The following COL27A1 variants were observed in gnomAD, a reference collection of about 807,000 sequenced individuals.
COL27A1 encodes the protein collagen type XXVII alpha 1 chain, also known as collagen alpha-1(XXVII) chain.
Under a neutral mutation model 251.3 loss-of-function variants are expected in COL27A1, and 106 were observed. The observed-to-expected ratio is 0.42, with a 90% CI of 0.36 to 0.50. The LOEUF (loss-of-function observed/expected upper bound fraction) is 0.50. COL27A1 is among the 20% of genes least tolerant of loss of function. COL27A1 has a pLI of 0.00. For missense variants in COL27A1, 2,325 were observed against 2,522.8 expected (o/e 0.92, Z 1.68); for synonymous variants, 1,000 against 986.3 (o/e 1.01, Z -0.26).
At chr9:114,256,488 A>G (rs892953464) in intron 27 of COL27A1, among the ~76,000 whole-genome samples, 6 of 152,200 alleles carry the variant, frequency 3.9e-5, no homozygotes, top group East Asian at 1.9e-4. Flanking sequence ...GCAAGACTCC[A>G]TCTCAACAAA....
At chr9:114,291,403 C>T (rs960537967) in intron 48 of COL27A1, among the ~76,000 whole-genome samples, 1 of 152,154 alleles carries the variant, frequency 6.6e-6, no homozygotes, top group African/African-American at 2.4e-5. Flanking sequence ...CTCTGAGACA[C>T]AGGAGGCGGA....
In COL27A1 at chr9:114,304,664, C is replaced by G. The variant is rs769243115; in HGVS notation, c.4929C>G (p.Leu1643=). The G allele has an allele frequency of 3.1e-6, 5 of 1,614,068 alleles. No homozygotes were observed. The East Asian group carries it at 6.7e-5, about 22-fold the overall frequency. The part of the protein sequence containing the change: ...FQTWMDTSGA[L]RPESYSYPDR... ...CGTGGATGGACACCAGTGGAGCACTCAGGCCAGAGGTATCTCCAGGGGCTC... is the reference window on the plus strand; with the variant it reads ...CGTGGATGGACACCAGTGGAGCACTGAGGCCAGAGGTATCTCCAGGGGCTC... Residue 1643 remains leucine, a synonymous_variant, in exon 57 of 61, where the codon CTC becomes CTG. Coordinates refer to ENST00000356083, the MANE Select transcript of COL27A1 (RefSeq NM_032888.4).
At chr9:114,258,746 T>TA in intron 28 of COL27A1, 152 bp downstream of exon 28, 1 of 761,584 alleles carries the variant, frequency 1.3e-6, no homozygotes, top group Non-Finnish European at 2.1e-6. Context: ...AGGCTCACCC[T>TA]GGACCTGTCT....
At chr9:114,177,644 G>T (rs1356629412) in intron 3 of COL27A1, among the ~76,000 whole-genome samples, 1 of 152,188 alleles carries the variant, frequency 6.6e-6, no homozygotes, top group African/African-American at 2.4e-5. Context: ...GCCTCCGTTT[G>T]TATGGGCACA....
chr9:114,297,870 T>C lies in COL27A1; in HGVS notation c.4585-2200T>C, dbSNP rs75502967. Reference sequence around the variant, plus strand: ...GGATATAAGATCAATATACAAAAAATGTCATTTCTATATATAACATACAAA... The same window carrying C: ...GGATATAAGATCAATATACAAAAAACGTCATTTCTATATATAACATACAAA... On this transcript the variant is annotated intron_variant, in intron 49 of 60. Coordinates refer to ENST00000356083, the MANE Select transcript of COL27A1 (RefSeq NM_032888.4). 2.6e-5 allele frequency among the ~76,000 whole-genome samples: 4 copies of C among 152,200 alleles called. No homozygotes were observed. In the East Asian group the frequency reaches 7.7e-4, roughly 29 times the overall value.
chr9:114,306,627 C>T lies in COL27A1; in HGVS notation c.5046C>T (p.Thr1682=). 2 of 1,614,140 alleles carry T rather than the reference C, an allele frequency of 1.2e-6. No homozygotes were observed. Among genetic ancestry groups the T allele is most frequent in the Non-Finnish European group, 1.7e-6 (2 of 1,180,028 alleles). Residue 1682 remains threonine (T), a synonymous_variant, in exon 58 of 61, where the codon ACC becomes ACT. Coordinates refer to ENST00000356083, the MANE Select transcript of COL27A1 (RefSeq NM_032888.4). ...LIQSIKTPLG[T]KENPARVCRD... Reference sequence around the variant, plus strand: ...AGAGCATTAAGACGCCCCTGGGCACCAAAGAGAACCCCGCCCGGGTCTGCA... The same window carrying T: ...AGAGCATTAAGACGCCCCTGGGCACTAAAGAGAACCCCGCCCGGGTCTGCA...
Position 114,290,261 on chromosome 9 carries a change from G to T in COL27A1, c.4298G>T (p.Gly1433Val). 6.3e-7 allele frequency: 1 copy of T among 1,577,490 alleles called. No homozygotes were observed. The part of the protein sequence containing the change: ...QGLPGPRGVV[G>V]RQGLEGIAGP... Reference sequence around the variant, plus strand: ...CTGCCAGGGCCCCGGGGCGTGGTGGGGAGACAGGGCCTCGAGGGCATCGCT... The same window carrying T: ...CTGCCAGGGCCCCGGGGCGTGGTGGTGAGACAGGGCCTCGAGGGCATCGCT... The change falls in exon 47 of 61, where the codon GGG (glycine) becomes GTG (valine). Residue 1433 changes from glycine (G) to valine (V), a missense_variant. Around this residue, in one of 4 missense-constraint regions of COL27A1, gnomAD observed 153 missense variants for 140.7 expected, o/e 1.09. Transcript: ENST00000356083. This position sits in a 1 kb window ranked among gnomAD's most constrained non-coding sequence, Gnocchi z 4.6.
intron 23 of COL27A1, 115 bp from the exon 24 acceptor site, chr9:114,245,751 G>C (rs1833087178): frequency 5.2e-6 from 5 of 956,448 alleles, no homozygotes; most frequent in Non-Finnish European, 8.5e-6. Flanking sequence ...CTGGAGATAA[G>C]ATCCCTGGTT....
chr9:114,191,298 G>A (rs190580465), intron 5 of COL27A1, among the ~76,000 whole-genome samples: 2 of 152,034 alleles, frequency 1.3e-5, no homozygotes, highest in African/African-American at 4.8e-5. Flanking sequence ...ACATGTGCAG[G>A]ATGTGTAGGT....
At chr9:114,226,037 C>T (rs146602989) in intron 14 of COL27A1, among the ~76,000 whole-genome samples, 2 of 152,266 alleles carry the variant, frequency 1.3e-5, no homozygotes, top group African/African-American at 4.8e-5. Flanking sequence ...TCCACACAGC[C>T]CTCTTTGAGT....
rs1332924250 is a variant in COL27A1, at chr9:114,290,256, G to A, written c.4293G>A (p.Val1431=). The A allele has an allele frequency of 9.5e-6, 15 of 1,575,936 alleles. No individual in the cohort carries two copies. Among genetic ancestry groups the A allele is most frequent in the Admixed American group, 1.9e-5 (1 of 53,124 alleles). ...GLQGLPGPRG[V]VGRQGLEGIA... ...AGGGGCTGCCAGGGCCCCGGGGCGT[G>A]GTGGGGAGACAGGGCCTCGAGGGCA... Residue 1431 remains valine, a synonymous_variant, in exon 47 of 61, where the codon GTG becomes GTA. Transcript: ENST00000356083. The surrounding 1 kb of genome is among the most constrained non-coding windows in gnomAD (Gnocchi z 4.6).
upstream of COL27A1, among the ~76,000 whole-genome samples, chr9:114,155,162 T>C (rs1172154802): frequency 6.6e-6 from 1 of 152,164 alleles, no homozygotes; most frequent in Non-Finnish European, 1.5e-5. This position sits in a 1 kb window ranked among gnomAD's most constrained non-coding sequence, Gnocchi z 5.5. Context: ...CACCAAGTTC[T>C]GGTCCTAGCT....
Position 114,155,873 on chromosome 9 carries a change from G to T in COL27A1, c.-78G>T, listed in dbSNP as rs1267276797. ...GCGCTCTAAGCCGGCCTGGCGCGGC[G>T]GGGCGGGGGGCTGGCGGCCCCATGG... On this transcript the variant is annotated 5_prime_UTR_variant, in exon 1 of 61. Transcript: ENST00000356083. This position sits in a 1 kb window ranked among gnomAD's most constrained non-coding sequence, Gnocchi z 5.5. 5.6e-6 allele frequency: 6 copies of T among 1,078,376 alleles called. No individual in the cohort carries two copies. The South Asian group carries it at 2.2e-4, about 40-fold the overall frequency. The allele number at this position is 1,078,376 out of a possible 1,614,324, so 66.8% of individuals were successfully genotyped here. A position where few individuals can be genotyped will look rare whatever the true frequency, so the allele number is the denominator to read the frequency against.
intron 12 of COL27A1, chr9:114,217,779 C>T (rs1375912994): frequency 2.1e-6 from 1 of 470,796 alleles, no homozygotes; most frequent in Non-Finnish European, 4.4e-6. Context: ...GGTCCTTCTA[C>T]CCCAAAGTTC....
At chr9:114,213,681 C>T (rs1255128397) in intron 12 of COL27A1, among the ~76,000 whole-genome samples, 2 of 152,158 alleles carry the variant, frequency 1.3e-5, no homozygotes, top group South Asian at 2.1e-4. Context: ...AGTATTGAGG[C>T]CCTCGGTGTG....
intron 30 of COL27A1, 47 bp from the exon 31 acceptor site, chr9:114,265,019 C>A: frequency 6.2e-7 from 1 of 1,612,726 alleles, no homozygotes; most frequent in Non-Finnish European, 8.5e-7. Context: ...CTCCCTGCTC[C>A]GTGCTTTGTG....
intron 35 of COL27A1, among the ~76,000 whole-genome samples, chr9:114,270,275 T>C (rs569919658): frequency 1.3e-3 from 199 of 152,314 alleles, no homozygotes; most frequent in Non-Finnish European, 1.7e-3. Flanking sequence ...ACCTAAGTAG[T>C]TTGCTTGCGG....
At chr9:114,174,711 A>G (rs987844058) in intron 3 of COL27A1, among the ~76,000 whole-genome samples, 1 of 152,236 alleles carries the variant, frequency 6.6e-6, no homozygotes. Flanking sequence ...GGACAAACTA[A>G]GGCCCGGAGG....
chr9:114,284,497 G>A (rs1280034544), intron 40 of COL27A1, among the ~76,000 whole-genome samples: 1 of 152,172 alleles, frequency 6.6e-6, no homozygotes, highest in Non-Finnish European at 1.5e-5. Context: ...CCAGGGTGGG[G>A]CCCCCAACCA....
Sources: gnomAD v4.1 joint callset for allele counts (sites outside exome capture counted in the v4.1 genomes callset) on GRCh38, gnomAD v4.1.1 for gene constraint, gnomAD v4.1.1 regional missense constraint, Gnocchi (gnomAD v3.1) non-coding constraint, MANE v1.5 for transcripts, NCBI Gene and HGNC (gene_info 2026-07-23, HGNC 2026-07-21) for gene names.